The following KLHL1 variants were observed in gnomAD, a reference collection of about 807,000 sequenced individuals.
The protein encoded by KLHL1 is kelch-like protein 1.
A neutral mutation model predicts 77.7 loss-of-function variants in KLHL1; 47 were observed. That is an observed-to-expected ratio of 0.60 (90% CI 0.48 to 0.77). The LOEUF (loss-of-function observed/expected upper bound fraction) is 0.77, where lower values mean the gene tolerates loss of function less well. Ranked by LOEUF, KLHL1 falls within the 30% of genes least tolerant of loss-of-function variation. KLHL1 has a pLI of 0.00. For missense variants in KLHL1, 925 were observed against 910.8 expected, an observed-to-expected ratio of 1.02 and a Z score of -0.20; for synonymous variants, 360 against 325.2, an observed-to-expected ratio of 1.11 and a Z score of -1.15.
intron 7 of KLHL1, among the ~76,000 whole-genome samples, chr13:69,787,578 A>G (rs1446112395): frequency 1.3e-5 from 2 of 152,244 alleles, no homozygotes; most frequent in African/African-American, 2.4e-5. Context: ...CCTAGGCAGT[A>G]CCATTCAGGA....
At chr13:70,049,003 T>A (rs1453896310) in intron 1 of KLHL1, among the ~76,000 whole-genome samples, 1 of 152,234 alleles carries the variant, frequency 6.6e-6, no homozygotes, top group Non-Finnish European at 1.5e-5. Flanking sequence ...GTATACTTTC[T>A]CTTGAACAGA....
intron 6 of KLHL1, among the ~76,000 whole-genome samples, chr13:69,807,636 G>C (rs1178659372): frequency 6.6e-6 from 1 of 152,120 alleles, no homozygotes; most frequent in Non-Finnish European, 1.5e-5. Context: ...TTGGTGACTG[G>C]TGGCAATGGC....
intron 7 of KLHL1, among the ~76,000 whole-genome samples, chr13:69,752,090 T>G (rs1248449792): frequency 6.6e-6 from 1 of 152,132 alleles, no homozygotes; most frequent in South Asian, 2.1e-4. Context: ...GTTACAAGGA[T>G]TTAATGAAGC....
intron 7 of KLHL1, among the ~76,000 whole-genome samples, chr13:69,780,718 A>ATG (rs1566243818): frequency 3.2e-5 from 2 of 61,758 alleles, no homozygotes; most frequent in African/African-American, 6.5e-5. Flanking sequence ...ATATATATGT[A>ATG]TATATATATA....
intron 1 of KLHL1, among the ~76,000 whole-genome samples, chr13:70,012,225 A>G (rs1242044419): frequency 1.3e-5 from 2 of 152,128 alleles, no homozygotes; most frequent in Admixed American, 6.6e-5. Flanking sequence ...TCTGAAAACA[A>G]AAGTTTGCTC....
chr13:69,860,306 G>A (rs1288830013), intron 5 of KLHL1, among the ~76,000 whole-genome samples: 1 of 151,964 alleles, frequency 6.6e-6, no homozygotes, highest in Non-Finnish European at 1.5e-5. Flanking sequence ...AAACAAGTAT[G>A]AGCATGACAA....
intron 5 of KLHL1, among the ~76,000 whole-genome samples, chr13:69,852,883 T>C (rs916345237): frequency 2.0e-5 from 3 of 152,040 alleles, no homozygotes; most frequent in Admixed American, 1.3e-4. Flanking sequence ...AAAATATATT[T>C]ATTAATCTTG....
At chr13:69,881,078 T>G (rs1484629763) in intron 5 of KLHL1, among the ~76,000 whole-genome samples, 1 of 152,198 alleles carries the variant, frequency 6.6e-6, no homozygotes. Flanking sequence ...TCTAGGTATG[T>G]AAATGCATGT....
intron 1 of KLHL1, among the ~76,000 whole-genome samples, chr13:70,047,597 T>C (rs1886534160): frequency 6.6e-6 from 1 of 152,210 alleles, no homozygotes; most frequent in African/African-American, 2.4e-5. Context: ...TAAATTCTTC[T>C]AACCTTTCTA....
At chr13:69,858,102 G>A (rs1038978872) in intron 5 of KLHL1, among the ~76,000 whole-genome samples, 10 of 152,166 alleles carry the variant, frequency 6.6e-5, no homozygotes, top group Non-Finnish European at 1.5e-4. Flanking sequence ...TGACAAGTTC[G>A]ATTTAGACAT....
chr13:69,730,682 T>C (rs1038612382), intron 8 of KLHL1, among the ~76,000 whole-genome samples: 3 of 152,026 alleles, frequency 2.0e-5, no homozygotes, highest in Non-Finnish European at 2.9e-5. Context: ...AGTAATCCTC[T>C]CACCTCAGCC....
chr13:69,823,043 T>A (rs934091769), intron 6 of KLHL1, among the ~76,000 whole-genome samples: 5 of 152,312 alleles, frequency 3.3e-5, no homozygotes, highest in Admixed American at 2.6e-4. Flanking sequence ...TAACTGTATT[T>A]GCTCTGTGAA....
At chr13:70,060,139 T>G (rs1886842772) in intron 1 of KLHL1, among the ~76,000 whole-genome samples, 1 of 152,170 alleles carries the variant, frequency 6.6e-6, no homozygotes, top group Non-Finnish European at 1.5e-5. Context: ...CAGAAGAAGA[T>G]ATACAAATGG....
intron 4 of KLHL1, among the ~76,000 whole-genome samples, chr13:69,931,393 A>G (rs889938967): frequency 1.3e-5 from 2 of 151,744 alleles, no homozygotes; most frequent in African/African-American, 4.8e-5. Flanking sequence ...AAGTTTCCCT[A>G]TCATCACATT....
chr13:70,108,289 C>G lies in KLHL1; in HGVS notation c.-590G>C, dbSNP rs962627752. On this transcript the variant is annotated 5_prime_UTR_variant, in exon 1 of 11. Coordinates refer to ENST00000377844, the MANE Select transcript of KLHL1 (RefSeq NM_020866.3). Reference sequence around the variant, plus strand: ...GTCCCTGGCCTTTTCGAGGATGCCCCGATAGCCTGCCGGGTGGCTCTGAGA... The same window carrying G: ...GTCCCTGGCCTTTTCGAGGATGCCCGGATAGCCTGCCGGGTGGCTCTGAGA... The G allele has an allele frequency of 2.8e-6, 1 of 360,952 alleles. No homozygotes were observed. The allele number at this position is 360,952 out of a possible 1,614,324, so 22.4% of individuals were successfully genotyped here. A position where few individuals can be genotyped will look rare whatever the true frequency, so the allele number is the denominator to read the frequency against.
chr13:69,718,221 T>C (rs2137891422), intron 9 of KLHL1, among the ~76,000 whole-genome samples: 1 of 152,226 alleles, frequency 6.6e-6, no homozygotes, highest in South Asian at 2.1e-4. Context: ...ATCTCGCTTT[T>C]CTCCCAGATA....
intron 1 of KLHL1, 49 bp downstream of exon 1, chr13:70,107,154 T>C: frequency 6.5e-7 from 1 of 1,534,656 alleles, no homozygotes; most frequent in Non-Finnish European, 8.8e-7. Flanking sequence ...CGCGGTGAAA[T>C]GAGTGGAAAT....
chr13:70,029,699 C>T (rs1409449763), intron 1 of KLHL1, among the ~76,000 whole-genome samples: 2 of 152,144 alleles, frequency 1.3e-5, no homozygotes, highest in South Asian at 2.1e-4. Flanking sequence ...CATCAACTAA[C>T]CAGCAAAATA....
chr13:69,926,964 A>AAAAAAC (rs1427306513), intron 4 of KLHL1, among the ~76,000 whole-genome samples: 3 of 149,498 alleles, frequency 2.0e-5, no homozygotes, highest in Non-Finnish European at 4.5e-5. Context: ...AAAAAAAAAA[A>AAAAAAC]AAAAAAGCAG....
Sources: allele counts gnomAD v4.1 joint callset (sites outside exome capture counted in the v4.1 genomes callset), GRCh38; gene constraint gnomAD v4.1.1; transcripts MANE v1.5; gene names NCBI Gene and HGNC (gene_info 2026-07-23, HGNC 2026-07-21).